AK5: variants seen among roughly 807,000 people sequenced by gnomAD.
AK5 encodes the protein adenylate kinase isoenzyme 5.
AK5 carries 27 observed loss-of-function variants against 69.5 expected under a neutral mutation model. The ratio of observed to expected loss-of-function variants is 0.39; its 90% CI spans 0.29 to 0.54. The LOEUF is 0.54. Among genes scored for constraint, AK5 ranks in the 20% least tolerant of loss-of-function variants. The probability of loss-of-function intolerance (pLI) is 0.71; values close to 1 mark genes in which losing one functional copy is unlikely to be tolerated. For missense variants in AK5, 531 were observed against 700.4 expected (o/e 0.76, Z 2.73); for synonymous variants, 260 against 244.4 (o/e 1.06, Z -0.60).
chr1:77,367,557 T>TATATATA, intron 6 of AK5, among the ~76,000 whole-genome samples: 1 of 59,378 alleles, frequency 1.7e-5, no homozygotes, highest in African/African-American at 8.8e-5. Flanking sequence ...TATGTTATTT[T>TATATATA]TATATATATA....
At chr1:77,503,641 C>T (rs181376581) in intron 10 of AK5, among the ~76,000 whole-genome samples, 39 of 152,176 alleles carry the variant, frequency 2.6e-4, no homozygotes, top group African/African-American at 8.4e-4. Context: ...GTGGCTCAAA[C>T]CTATAATCCC....
chr1:77,309,184 T>C (rs1001571597), intron 5 of AK5, among the ~76,000 whole-genome samples: 4 of 151,968 alleles, frequency 2.6e-5, no homozygotes, highest in African/African-American at 9.7e-5. Context: ...TGGCACACTT[T>C]TACCTATGTA....
At chr1:77,476,693 C>T (rs1413233183) in intron 8 of AK5, among the ~76,000 whole-genome samples, 1 of 152,100 alleles carries the variant, frequency 6.6e-6, no homozygotes, top group Admixed American at 6.5e-5. Context: ...GGAAGCCCGA[C>T]CCACCAGGGC....
chr1:77,335,939 A>C (rs1316953656), intron 5 of AK5, among the ~76,000 whole-genome samples: 1 of 152,058 alleles, frequency 6.6e-6, no homozygotes, highest in East Asian at 1.9e-4. Context: ...TTCTCTGTGC[A>C]CTCACATGGT....
chr1:77,435,644 C>CAAAAAAAAAA (rs1202203579), intron 8 of AK5, among the ~76,000 whole-genome samples: 3 of 66,078 alleles, frequency 4.5e-5, no homozygotes, highest in African/African-American at 1.7e-4. Context: ...GACTCTGTCT[C>CAAAAAAAAAA]AAAAAAAAAA....
In AK5 at chr1:77,477,878, G is replaced by C. The variant is rs369758852; in HGVS notation, c.1060-5439G>C. 2.5e-4 allele frequency among the ~76,000 whole-genome samples: 38 copies of C among 152,216 alleles called. 1 individual carries two copies. The highest frequency in any genetic ancestry group is 8.7e-4 in the African/African-American group (36 of 41,536). On this transcript the variant is annotated intron_variant, in intron 8 of 13. Transcript: ENST00000354567. Reference sequence around the variant, plus strand: ...ATACAAACAAGTTACTCTGAACTGGGAATACACCCCCAAAATGACCTATTA... The same window carrying C: ...ATACAAACAAGTTACTCTGAACTGGCAATACACCCCCAAAATGACCTATTA...
chr1:77,549,201 T>G (rs929150672), intron 13 of AK5, among the ~76,000 whole-genome samples: 2 of 152,144 alleles, frequency 1.3e-5, no homozygotes. Flanking sequence ...AATAAAATAA[T>G]ATTTTGCTAC....
At chr1:77,526,465 CTTTTTT>C (rs917395853) in intron 12 of AK5, among the ~76,000 whole-genome samples, 1,610 of 84,334 alleles carry the variant, frequency 0.019, 18 homozygotes, top group African/African-American at 0.074. Context: ...GAATAAAAGT[CTTTTTT>C]TTTTTTTTTT....
At chr1:77,327,356 A>C (rs1443126861) in intron 5 of AK5, among the ~76,000 whole-genome samples, 1 of 149,438 alleles carries the variant, frequency 6.7e-6, no homozygotes, top group Non-Finnish European at 1.5e-5. Flanking sequence ...GTGCCACTGC[A>C]TTCCAGCCTG....
chr1:77,543,558 G>A (rs1002427904), intron 13 of AK5, among the ~76,000 whole-genome samples: 1 of 151,916 alleles, frequency 6.6e-6, no homozygotes, highest in South Asian at 2.1e-4. Flanking sequence ...TTGAGACAGG[G>A]TCTCTCTGTG....
chr1:77,351,801 T>C (rs12070567), intron 6 of AK5, among the ~76,000 whole-genome samples: 14,292 of 152,084 alleles, frequency 0.094, 830 homozygotes, highest in East Asian at 0.2. Context: ...ACCTCTGATG[T>C]AGAAGAAGAC....
At chr1:77,491,351 G>A (rs1655986851) in intron 10 of AK5, among the ~76,000 whole-genome samples, 1 of 112,108 alleles carries the variant, frequency 8.9e-6, no homozygotes, top group Admixed American at 1.4e-4. Context: ...CTTTCTCCCA[G>A]GCTGGAGTGC....
At chr1:77,483,521 C>G (rs1215004060) in intron 9 of AK5, among the ~76,000 whole-genome samples, 162 bp downstream of exon 9, 2 of 152,118 alleles carry the variant, frequency 1.3e-5, no homozygotes, top group African/African-American at 4.8e-5. Context: ...TTTCCTGCCT[C>G]CATCCATGTA....
chr1:77,289,862 C>CAAAAAAAA (rs55819317), intron 2 of AK5, among the ~76,000 whole-genome samples: 1 of 64,700 alleles, frequency 1.5e-5, no homozygotes, highest in Non-Finnish European at 2.7e-5. Flanking sequence ...GACTCCGTCT[C>CAAAAAAAA]AAAAAAAAAA....
chr1:77,481,411 A>C (rs1237823810), intron 8 of AK5, among the ~76,000 whole-genome samples: 1 of 152,250 alleles, frequency 6.6e-6, no homozygotes, highest in African/African-American at 2.4e-5. Context: ...TATTCACAGA[A>C]GAGAATTCAT....
intron 8 of AK5, among the ~76,000 whole-genome samples, chr1:77,438,346 A>T (rs1652101643): frequency 6.7e-6 from 1 of 148,870 alleles, no homozygotes; most frequent in South Asian, 2.1e-4. Flanking sequence ...AGTTCAAATA[A>T]CGCCTAAGAT....
intron 8 of AK5, among the ~76,000 whole-genome samples, chr1:77,441,616 G>A (rs1459703327): frequency 6.6e-6 from 1 of 152,212 alleles, no homozygotes; most frequent in Non-Finnish European, 1.5e-5. Context: ...AGGACTTTGT[G>A]GTAGCTGTAG....
chr1:77,543,784 T>C (rs1659400032), intron 13 of AK5, among the ~76,000 whole-genome samples: 1 of 152,132 alleles, frequency 6.6e-6, no homozygotes, highest in African/African-American at 2.4e-5. Context: ...GGAAGCTGTA[T>C]TGGGATGCTG....
At chr1:77,321,156 A>G (rs1389763663) in intron 5 of AK5, among the ~76,000 whole-genome samples, 1 of 152,160 alleles carries the variant, frequency 6.6e-6, no homozygotes, top group Non-Finnish European at 1.5e-5. Context: ...ATTCACCAAG[A>G]TAAACCATTT....
Sources: allele counts gnomAD v4.1 joint callset (sites outside exome capture counted in the v4.1 genomes callset), GRCh38; gene constraint gnomAD v4.1.1; transcripts MANE v1.5; gene names NCBI Gene and HGNC (gene_info 2026-07-23, HGNC 2026-07-21).